CYTH3: variants seen among roughly 807,000 people sequenced by gnomAD.
The protein encoded by CYTH3 is cytohesin-3.
A neutral mutation model predicts 55.1 loss-of-function variants in CYTH3; 23 were observed. The ratio of observed to expected loss-of-function variants is 0.42; its 90% CI spans 0.30 to 0.59. CYTH3 has a LOEUF of 0.59. Among genes scored for constraint, CYTH3 ranks in the 20% least tolerant of loss-of-function variants. CYTH3 has a pLI of 0.20. For synonymous variants in CYTH3, 249 were observed against 194.9 expected, an observed-to-expected ratio of 1.28 and a Z score of -2.31; for missense variants, 413 against 524.8, an observed-to-expected ratio of 0.79 and a Z score of 2.08.
chr7:6,165,444 G>T lies in CYTH3; in HGVS notation c.973-17C>A. ...AAAACAGTTCTGGTGGAGAAAGAGA[G>T]AGGGGAGGCGGTCAGGGGGGCTTGG... On this transcript the variant is annotated splice_polypyrimidine_tract_variant and intron_variant, in intron 11 of 12. Coordinates refer to ENST00000350796, the MANE Select transcript of CYTH3 (RefSeq NM_004227.4). 1 of 1,610,462 alleles carries T rather than the reference G, an allele frequency of 6.2e-7. No homozygotes were observed. Among genetic ancestry groups the T allele is most frequent in the Non-Finnish European group, 8.5e-7 (1 of 1,177,616 alleles).
At chr7:6,213,747 T>C (rs1297783697) in intron 1 of CYTH3, among the ~76,000 whole-genome samples, 4 of 151,814 alleles carry the variant, frequency 2.6e-5, no homozygotes, top group Non-Finnish European at 4.4e-5. Flanking sequence ...CCTCAGTTAA[T>C]TCAAGATTAC....
At chr7:6,201,035 T>C (rs745510036) in intron 1 of CYTH3, among the ~76,000 whole-genome samples, 5 of 152,182 alleles carry the variant, frequency 3.3e-5, no homozygotes, top group African/African-American at 7.2e-5. Flanking sequence ...GCTGGGATTG[T>C]AGGTATGAGC....
chr7:6,266,252 A>G (rs1472217350), intron 1 of CYTH3, among the ~76,000 whole-genome samples: 1 of 152,114 alleles, frequency 6.6e-6, no homozygotes, highest in Non-Finnish European at 1.5e-5. Flanking sequence ...CGGATTCTGA[A>G]ATGGAAGGCT....
intron 1 of CYTH3, among the ~76,000 whole-genome samples, chr7:6,225,851 T>C (rs1375517253): frequency 1.3e-5 from 2 of 151,998 alleles, no homozygotes; most frequent in African/African-American, 4.8e-5. Flanking sequence ...AGCTAATTTT[T>C]GTATTTTTAG....
At chr7:6,165,696 C>T (rs1336165474) in intron 10 of CYTH3, 38 bp downstream of exon 10, 3 of 1,613,746 alleles carry the variant, frequency 1.9e-6, no homozygotes, top group Non-Finnish European at 2.5e-6. Context: ...AGCTCCGGGA[C>T]TGCTGGGAGG....
At chr7:6,173,903 C>T (rs1319418894) in intron 5 of CYTH3, among the ~76,000 whole-genome samples, 170 bp from the exon 6 acceptor site, 1 of 152,190 alleles carries the variant, frequency 6.6e-6, no homozygotes, top group Admixed American at 6.5e-5. Context: ...CCATGTTACC[C>T]AGGCTGGTCT....
chr7:6,217,627 T>C (rs1009178406), intron 1 of CYTH3, among the ~76,000 whole-genome samples: 4 of 152,198 alleles, frequency 2.6e-5, no homozygotes, highest in Non-Finnish European at 5.9e-5. Flanking sequence ...TTCTCTCTTG[T>C]TAATAATTAA....
chr7:6,265,169 T>C (rs1780455640), intron 1 of CYTH3, among the ~76,000 whole-genome samples: 1 of 151,270 alleles, frequency 6.6e-6, no homozygotes. Context: ...GTCAAAGAGA[T>C]AGCAGGGGAC....
chr7:6,182,647 CA>C (rs1460634777), intron 4 of CYTH3, among the ~76,000 whole-genome samples: 16 of 152,066 alleles, frequency 1.1e-4, no homozygotes, highest in Admixed American at 9.2e-4. Flanking sequence ...GCTGGGACTA[CA>C]GGTGCATACC....
At position 6,165,032 on chromosome 7, in the gene CYTH3, A is replaced by G. The variant is rs1782947692; in HGVS notation, c.1128-16T>C. The G allele has an allele frequency of 6.2e-7, 1 of 1,614,126 alleles. No individual in the cohort carries two copies. Among genetic ancestry groups the G allele is most frequent in the Non-Finnish European group, 8.5e-7 (1 of 1,180,006 alleles). On this transcript the variant is annotated splice_polypyrimidine_tract_variant and intron_variant, in intron 12 of 12. Transcript: ENST00000350796. ...GATACTGGCTCTGGTGAAAAAAGGA[A>G]AACACACAGGTTAGGTCGTGGGTGA...
chr7:6,267,997 A>G (rs889741798), intron 1 of CYTH3, among the ~76,000 whole-genome samples: 1 of 152,060 alleles, frequency 6.6e-6, no homozygotes, highest in Non-Finnish European at 1.5e-5. Context: ...TTTCCTTCCC[A>G]CCTATATTCC....
intron 1 of CYTH3, among the ~76,000 whole-genome samples, chr7:6,255,757 T>TG (rs1780084419): frequency 2.3e-5 from 3 of 129,268 alleles, no homozygotes; most frequent in Non-Finnish European, 4.6e-5. Context: ...ACCTTTAATC[T>TG]GTTTTTTTTT....
Position 6,177,898 on chromosome 7 carries a change from G to A in CYTH3, c.293C>T (p.Pro98Leu). Residue 98 changes from proline to leucine, a missense_variant, in exon 5 of 13, where the codon CCA becomes CTA. Around this residue, in one of 4 missense-constraint regions of CYTH3, gnomAD observed 152 missense variants for 148.1 expected, o/e 1.03. Coordinates refer to ENST00000350796, the MANE Select transcript of CYTH3 (RefSeq NM_004227.4). ...ATAAAGGAACTGGGCGACGTCTTCT[G>A]GGGAACTCTGTAGCAGGTCATTTTC... ...LIENDLLQSS[P>L]EDVAQFLYKG... 6.2e-7 allele frequency: 1 copy of A among 1,614,136 alleles called. No homozygotes were observed. The highest frequency in any genetic ancestry group is 8.5e-7 in the Non-Finnish European group (1 of 1,179,986).
chr7:6,260,472 C>T (rs1268267822), intron 1 of CYTH3, among the ~76,000 whole-genome samples: 12 of 152,092 alleles, frequency 7.9e-5, no homozygotes, highest in Non-Finnish European at 1.3e-4. Context: ...CATAACATGC[C>T]ACATTTCCAA....
rs534437790 is a variant in CYTH3, at chr7:6,223,100, G to A, written c.35-32569C>T. On this transcript the variant is annotated intron_variant, in intron 1 of 12. Coordinates refer to ENST00000350796, the MANE Select transcript of CYTH3 (RefSeq NM_004227.4). Reference sequence around the variant, plus strand: ...AGATGCGGTCTGGCATGTGAGAAGCGCCTCTGCCTGGCTGCCCTTCGTCTG... The same window carrying A: ...AGATGCGGTCTGGCATGTGAGAAGCACCTCTGCCTGGCTGCCCTTCGTCTG... 3.3e-5 allele frequency among the ~76,000 whole-genome samples: 5 copies of A among 152,356 alleles called. No individual in the cohort carries two copies. The East Asian group carries it at 5.8e-4, about 18-fold the overall frequency.
At chr7:6,230,216 C>T (rs752204921) in intron 1 of CYTH3, among the ~76,000 whole-genome samples, 1 of 152,138 alleles carries the variant, frequency 6.6e-6, no homozygotes, top group Non-Finnish European at 1.5e-5. Flanking sequence ...CAAACTCAGT[C>T]CGAATGGAAA....
intron 1 of CYTH3, among the ~76,000 whole-genome samples, chr7:6,212,465 T>C: frequency 6.6e-6 from 1 of 152,196 alleles, no homozygotes; most frequent in East Asian, 1.9e-4. Context: ...CATTCTACTT[T>C]GTCTCTATGA....
intron 1 of CYTH3, among the ~76,000 whole-genome samples, chr7:6,232,040 A>G (rs1202239352): frequency 6.6e-6 from 1 of 152,098 alleles, no homozygotes; most frequent in Non-Finnish European, 1.5e-5. Flanking sequence ...ATCTCTCTGC[A>G]CCCTCAAGAC....
chr7:6,179,704 C>A (rs1443577144), intron 4 of CYTH3, among the ~76,000 whole-genome samples: 6 of 112,656 alleles, frequency 5.3e-5, no homozygotes, highest in Admixed American at 8.7e-5. Flanking sequence ...ACACACACCC[C>A]ACACACACCC....
Sources: gnomAD v4.1 joint callset for allele counts (sites outside exome capture counted in the v4.1 genomes callset) on GRCh38, gnomAD v4.1.1 for gene constraint, gnomAD v4.1.1 regional missense constraint, MANE v1.5 for transcripts, NCBI Gene and HGNC (gene_info 2026-07-23, HGNC 2026-07-21) for gene names.